The following SCEL variants were observed in gnomAD, a reference collection of about 807,000 sequenced individuals.
SCEL encodes the protein sciellin.
Under a neutral mutation model 117.6 loss-of-function variants are expected in SCEL, and 113 were observed. That is an observed-to-expected ratio of 0.96 (90% CI 0.83 to 1.12). The LOEUF (loss-of-function observed/expected upper bound fraction) is 1.12. SCEL is among the 50% of genes most tolerant of loss of function. The pLI is 0.00. For missense variants in SCEL, 785 were observed against 810.8 expected (o/e 0.97, Z 0.39); for synonymous variants, 270 against 256.2 (o/e 1.05, Z -0.51).
chr13:77,613,646 G>A (rs1442197936), intron 23 of SCEL, among the ~76,000 whole-genome samples: 1 of 151,894 alleles, frequency 6.6e-6, no homozygotes, highest in Non-Finnish European at 1.5e-5. Context: ...GCCCCAGGGA[G>A]TGCCTTAATC....
intron 6 of SCEL, 122 bp from the exon 7 acceptor site, chr13:77,568,173 C>A: frequency 1.6e-6 from 1 of 636,298 alleles, no homozygotes; most frequent in Non-Finnish European, 2.7e-6. Context: ...AAATATGATG[C>A]TTTCTATTTC....
At chr13:77,628,170 G>GTGTATATATA (rs10700333) in intron 28 of SCEL, among the ~76,000 whole-genome samples, 161 bp downstream of exon 28, 1,437 of 139,696 alleles carry the variant, frequency 0.01, 17 homozygotes, top group East Asian at 0.011. Flanking sequence ...ATATGTGTGT[G>GTGTATATATA]TATATATATA....
At chr13:77,554,639 A>G (rs1276158953) in intron 1 of SCEL, among the ~76,000 whole-genome samples, 1 of 152,218 alleles carries the variant, frequency 6.6e-6, no homozygotes, top group Non-Finnish European at 1.5e-5. Flanking sequence ...TGATAGTTTA[A>G]CAAAGTAGTT....
chr13:77,571,454 C>T (rs1438478637), intron 8 of SCEL, among the ~76,000 whole-genome samples: 3 of 150,932 alleles, frequency 2.0e-5, no homozygotes, highest in South Asian at 2.1e-4. Context: ...TTTCAGAGGC[C>T]GAGGCAGGTG....
intron 27 of SCEL, among the ~76,000 whole-genome samples, chr13:77,625,921 C>A (rs770237791): frequency 6.6e-6 from 1 of 152,048 alleles, no homozygotes; most frequent in Non-Finnish European, 1.5e-5. Context: ...GTGAAAGTGG[C>A]CTCTCAAAAT....
intron 29 of SCEL, 71 bp downstream of exon 29, chr13:77,634,521 T>G: frequency 3.6e-6 from 4 of 1,120,066 alleles, no homozygotes; most frequent in Non-Finnish European, 5.3e-6. Flanking sequence ...TAATAAGAGA[T>G]GCTATTGTTT....
chr13:77,585,023 A>T (rs2086483418), intron 9 of SCEL, among the ~76,000 whole-genome samples: 1 of 152,250 alleles, frequency 6.6e-6, no homozygotes, highest in African/African-American at 2.4e-5. Context: ...TGGGATTGAC[A>T]GTGGAATTCT....
At chr13:77,641,442 T>C (rs1369935000) in intron 31 of SCEL, among the ~76,000 whole-genome samples, 1 of 152,182 alleles carries the variant, frequency 6.6e-6, no homozygotes, top group Non-Finnish European at 1.5e-5. Context: ...CCTGTAACTA[T>C]GTCCGTGTGA....
intron 8 of SCEL, 41 bp from the exon 9 acceptor site, chr13:77,572,083 C>G: frequency 6.5e-7 from 1 of 1,547,846 alleles, no homozygotes. Flanking sequence ...TGGGATCAGC[C>G]TTTCAATCAC....
At chr13:77,564,191 G>GTTT (rs58228438) in intron 5 of SCEL, among the ~76,000 whole-genome samples, 4 of 129,120 alleles carry the variant, frequency 3.1e-5, no homozygotes, top group Non-Finnish European at 3.4e-5. Flanking sequence ...TTCAATATAG[G>GTTT]TTTTTTTTTT....
chr13:77,591,520 G>T, intron 11 of SCEL, 60 bp downstream of exon 11: 2 of 977,860 alleles, frequency 2.0e-6, no homozygotes, highest in Non-Finnish European at 3.1e-6. Context: ...TGCTTTCTCA[G>T]CACATTAAAA....
intron 1 of SCEL, among the ~76,000 whole-genome samples, chr13:77,544,221 A>G (rs2083875598): frequency 6.6e-6 from 1 of 152,018 alleles, no homozygotes; most frequent in South Asian, 2.1e-4. Context: ...TTCTTCCATC[A>G]TCCTTTATTG....
chr13:77,627,171 A>G (rs2089781803), intron 27 of SCEL, among the ~76,000 whole-genome samples: 2 of 152,154 alleles, frequency 1.3e-5, no homozygotes, highest in African/African-American at 4.8e-5. Flanking sequence ...CTGGGTAAAC[A>G]TCTAAGAATT....
chr13:77,536,223 T>C lies in SCEL; in HGVS notation c.-20+399T>C, dbSNP rs1025956243. On this transcript the variant is annotated intron_variant, in intron 1 of 32. Coordinates refer to ENST00000349847, the MANE Select transcript of SCEL (RefSeq NM_144777.3). The stretch of plus-strand genomic sequence containing the variant: ...TTTCTGTTTTCATAAATGATGCTTT[T>C]AGTGAAATAGTGAACTCAAATATTG... 3.9e-5 allele frequency among the ~76,000 whole-genome samples: 6 copies of C among 152,348 alleles called. No individual in the cohort carries two copies. In the South Asian group the frequency reaches 6.2e-4, roughly 16 times the overall value.
chr13:77,622,636 AG>A (rs746922160), intron 27 of SCEL, among the ~76,000 whole-genome samples: 12 of 152,180 alleles, frequency 7.9e-5, no homozygotes, highest in African/African-American at 2.9e-4. Flanking sequence ...CTGAGGTGAG[AG>A]GATGGCTTGA....
At chr13:77,545,497 A>G (rs954005563) in intron 1 of SCEL, among the ~76,000 whole-genome samples, 1 of 152,222 alleles carries the variant, frequency 6.6e-6, no homozygotes, top group Non-Finnish European at 1.5e-5. Flanking sequence ...ACAGAAACAT[A>G]TATTGTTGAA....
At chr13:77,556,774 G>T in intron 3 of SCEL, 61 bp downstream of exon 3, 2 of 1,127,978 alleles carry the variant, frequency 1.8e-6, no homozygotes, top group Admixed American at 3.5e-5. Context: ...TATCTGTTTG[G>T]GAAGCTAATG....
At chr13:77,600,597 CT>C (rs1278187692) in intron 15 of SCEL, among the ~76,000 whole-genome samples, 3 of 151,986 alleles carry the variant, frequency 2.0e-5, no homozygotes, top group African/African-American at 7.3e-5. Flanking sequence ...AGTAACTGAA[CT>C]GATAGCATTT....
rs572807323 is a variant in SCEL at position 77,605,867 on chromosome 13, G to A, written c.1157+1452G>A. 4.6e-5 allele frequency among the ~76,000 whole-genome samples: 7 copies of A among 152,060 alleles called. No homozygotes were observed. The South Asian group carries it at 1.2e-3, about 27-fold the overall frequency. ...TAAAAATACAAAAAGTTAGCTGGGC[G>A]TCCCAACTACTCGGGAGGCTGAGGC... On this transcript the variant is annotated intron_variant, in intron 19 of 32. Transcript: ENST00000349847.
Sources: allele counts gnomAD v4.1 joint callset (sites outside exome capture counted in the v4.1 genomes callset), GRCh38; gene constraint gnomAD v4.1.1; transcripts MANE v1.5; gene names NCBI Gene and HGNC (gene_info 2026-07-23, HGNC 2026-07-21).